Variants in NEK1 observed in about 807,000 individuals in gnomAD.
The protein encoded by NEK1 is serine/threonine-protein kinase Nek1.
NEK1 carries 137 observed loss-of-function variants against 182.1 expected under a neutral mutation model. That is an observed-to-expected ratio of 0.75 (90% CI 0.65 to 0.87). The LOEUF (loss-of-function observed/expected upper bound fraction) is 0.87, where lower values mean the gene tolerates loss of function less well. Ranked by LOEUF, NEK1 falls within the 40% of genes least tolerant of loss-of-function variation. The probability of loss-of-function intolerance (pLI) is 0.00; values close to 1 mark genes in which losing one functional copy is unlikely to be tolerated. For synonymous variants in NEK1, 513 were observed against 492.2 expected (o/e 1.04, Z -0.56); for missense variants, 1,391 against 1,494.4 (o/e 0.93, Z 1.14).
At chr4:169,594,278 T>C (rs72974765) in intron 5 of NEK1, among the ~76,000 whole-genome samples, 14,726 of 152,224 alleles carry the variant, frequency 0.097, 795 homozygotes, top group East Asian at 0.17. Context: ...GATTTCTATG[T>C]GTAATAAAAT....
intron 18 of NEK1, among the ~76,000 whole-genome samples, chr4:169,550,749 G>A (rs1761302594): frequency 6.6e-6 from 1 of 152,102 alleles, no homozygotes; most frequent in Non-Finnish European, 1.5e-5. Flanking sequence ...GCCAATAGTG[G>A]CATAACTAAT....
chr4:169,600,783 T>C (rs143283242), intron 4 of NEK1, among the ~76,000 whole-genome samples: 278 of 152,326 alleles, frequency 1.8e-3, no homozygotes, highest in African/African-American at 6.6e-3. Context: ...AAATTACATA[T>C]ACTATGCTAT....
At chr4:169,589,811 C>G (rs1394121903) in intron 6 of NEK1, among the ~76,000 whole-genome samples, 1 of 151,782 alleles carries the variant, frequency 6.6e-6, no homozygotes. Context: ...GTCAAAAGCA[C>G]AAGCAAAAAA....
intron 19 of NEK1, among the ~76,000 whole-genome samples, chr4:169,515,082 G>C (rs901368565): frequency 8.6e-5 from 13 of 151,914 alleles, no homozygotes; most frequent in Non-Finnish European, 7.4e-5. Flanking sequence ...TTTCCTCTTT[G>C]ACCCATGGTT....
intron 12 of NEK1, among the ~76,000 whole-genome samples, chr4:169,568,665 C>A (rs562384191): frequency 6.6e-6 from 1 of 152,060 alleles, no homozygotes; most frequent in Non-Finnish European, 1.5e-5. Context: ...GCCCGCTGGA[C>A]GTGGTGGCTC....
In NEK1 at chr4:169,503,612, G is replaced by A. The variant is rs141597992; in HGVS notation, c.2007+3425C>T. ...TTTGACAAATGTTCCAGGAATCTAC[G>A]TTTGAGAAAAGACAATCTCTTCAAT... On this transcript the variant is annotated intron_variant, in intron 23 of 35. Transcript: ENST00000507142. Among the ~76,000 whole-genome samples the A allele has an allele frequency of 2.0e-3, 297 of 152,020 alleles. 1 individual carries two copies. Among genetic ancestry groups the A allele is most frequent in the Non-Finnish European group, 2.5e-3 (170 of 67,824 alleles).
chr4:169,442,813 C>T (rs534170001), intron 27 of NEK1, among the ~76,000 whole-genome samples: 10 of 152,228 alleles, frequency 6.6e-5, no homozygotes, highest in African/African-American at 1.7e-4. Flanking sequence ...GCAGAAGGAC[C>T]GCTTGCAGCC....
intron 16 of NEK1, 39 bp downstream of exon 16, chr4:169,561,441 G>GA (rs768846794): frequency 7.1e-6 from 11 of 1,556,694 alleles, no homozygotes; most frequent in Non-Finnish European, 9.8e-6. Flanking sequence ...AACTGGAGGG[G>GA]AAAATGGTAG....
intron 19 of NEK1, among the ~76,000 whole-genome samples, chr4:169,536,920 A>G (rs1758600742): frequency 6.6e-6 from 1 of 152,180 alleles, no homozygotes; most frequent in African/African-American, 2.4e-5. Context: ...CTGTGTTAAC[A>G]ATATAAAGGG....
chr4:169,477,573 G>T (rs910973093), intron 24 of NEK1, 76 bp from the exon 25 acceptor site: 6 of 1,095,278 alleles, frequency 5.5e-6, no homozygotes, highest in African/African-American at 3.2e-5. Flanking sequence ...TTACATCCTC[G>T]TTACTTTTTG....
intron 31 of NEK1, 60 bp from the exon 32 acceptor site, chr4:169,406,807 G>C (rs144358417): frequency 7.2e-7 from 1 of 1,398,306 alleles, no homozygotes; most frequent in South Asian, 1.4e-5. Context: ...ATAAAAATGA[G>C]AGAAAACTAG....
chr4:169,459,712 C>A (rs1743593246), intron 27 of NEK1, among the ~76,000 whole-genome samples: 1 of 152,060 alleles, frequency 6.6e-6, no homozygotes, highest in African/African-American at 2.4e-5. Flanking sequence ...AAGTAATGAG[C>A]TATTGAGACA....
chr4:169,430,180 G>C (rs1431141908), intron 29 of NEK1, among the ~76,000 whole-genome samples: 1 of 151,678 alleles, frequency 6.6e-6, no homozygotes, highest in Non-Finnish European at 1.5e-5. Flanking sequence ...AGCTTTTTTT[G>C]TTTTTGTTTT....
In NEK1 at chr4:169,610,499, G is replaced by C. The variant is rs568495399; in HGVS notation, c.-49+1521C>G. 3.9e-5 allele frequency among the ~76,000 whole-genome samples: 6 copies of C among 152,020 alleles called. No homozygotes were observed. In the South Asian group the frequency reaches 8.3e-4, roughly 21 times the overall value. On this transcript the variant is annotated intron_variant, in intron 2 of 35. Transcript: ENST00000507142. ...CGTCTAATTTTTTGTATTTTTGGTA[G>C]ATATGGGTTCGCCAGGTCAGCCAGG...
At chr4:169,470,383 T>C (rs867364874) in intron 26 of NEK1, among the ~76,000 whole-genome samples, 2 of 152,206 alleles carry the variant, frequency 1.3e-5, no homozygotes, top group Admixed American at 6.5e-5. Flanking sequence ...TTATGAAGCT[T>C]AGTTTGACTG....
chr4:169,502,093 C>T (rs1477507993), intron 23 of NEK1, among the ~76,000 whole-genome samples: 1 of 151,778 alleles, frequency 6.6e-6, no homozygotes, highest in Non-Finnish European at 1.5e-5. Context: ...ACAAAAGATC[C>T]TCAGAGACTA....
chr4:169,578,806 A>G (rs1766126065), intron 11 of NEK1, among the ~76,000 whole-genome samples: 1 of 152,210 alleles, frequency 6.6e-6, no homozygotes, highest in Admixed American at 6.5e-5. Context: ...TTTTGTTGAC[A>G]ATATGGGATA....
chr4:169,409,715 C>T (rs1364177318), intron 31 of NEK1, among the ~76,000 whole-genome samples: 1 of 152,062 alleles, frequency 6.6e-6, no homozygotes, highest in African/African-American at 2.4e-5. Flanking sequence ...TTGTAGTGAG[C>T]CGAGATCACA....
intron 8 of NEK1, among the ~76,000 whole-genome samples, chr4:169,588,181 T>C (rs1441895391): frequency 6.6e-6 from 1 of 152,144 alleles, no homozygotes; most frequent in African/African-American, 2.4e-5. Flanking sequence ...TGGATGCTGA[T>C]TCCACCACTT....
Sources: gnomAD v4.1 joint callset for allele counts (sites outside exome capture counted in the v4.1 genomes callset) on GRCh38, gnomAD v4.1.1 for gene constraint, MANE v1.5 for transcripts, NCBI Gene and HGNC (gene_info 2026-07-23, HGNC 2026-07-21) for gene names.